The following FSTL4 variants were observed in gnomAD, a reference collection of about 807,000 sequenced individuals.
The protein encoded by FSTL4 is follistatin like 4.
In FSTL4, 28 loss-of-function variants were observed where a neutral mutation model predicts 78.2. The ratio of observed to expected loss-of-function variants is 0.36; its 90% confidence interval spans 0.27 to 0.49. The LOEUF is 0.49. FSTL4 is among the 20% of genes least tolerant of loss of function. The pLI, the probability that FSTL4 is intolerant of heterozygous loss-of-function variation, is 0.98. For synonymous variants in FSTL4, 422 were observed against 440.5 expected, an observed-to-expected ratio of 0.96 and a Z score of 0.53; for missense variants, 922 against 1,084.9, an observed-to-expected ratio of 0.85 and a Z score of 2.11.
At chr5:133,310,279 C>T (rs552458345) in intron 6 of FSTL4, among the ~76,000 whole-genome samples, 4 of 152,122 alleles carry the variant, frequency 2.6e-5, no homozygotes, top group Non-Finnish European at 4.4e-5. Context: ...AAGTCCAAGG[C>T]GACAGCAGAA....
chr5:133,360,063 C>G (rs1755035513), intron 4 of FSTL4, among the ~76,000 whole-genome samples: 1 of 152,220 alleles, frequency 6.6e-6, no homozygotes, highest in Non-Finnish European at 1.5e-5. Flanking sequence ...AATCAAACAG[C>G]CCTAACAGTG....
chr5:133,737,942 TG>T, the FSTL4 span, among the ~76,000 whole-genome samples: 10 of 152,118 alleles, frequency 6.6e-5, no homozygotes, highest in Non-Finnish European at 1.0e-4. Context: ...GTAATGAACA[TG>T]GGGATTTTAC....
intron 2 of FSTL4, among the ~76,000 whole-genome samples, chr5:133,581,302 A>T (rs914338264): frequency 2.0e-5 from 3 of 152,202 alleles, no homozygotes; most frequent in Non-Finnish European, 4.4e-5. Context: ...GAGAATCCCA[A>T]GGAAAATCCA....
Position 133,199,078 on chromosome 5 carries a change from GCTCTGCTCTGGGCC to G in FSTL4, c.*3_*16del. Reference sequence around the variant, plus strand: ...ACTAGGGGGTGTTCCTTGGCCCAGGGCTCTGCTCTGGGCCCTTCATACCTCACCCACCCACACCA... The same window carrying G: ...ACTAGGGGGTGTTCCTTGGCCCAGGGCTTCATACCTCACCCACCCACACCA... On this transcript the variant is annotated 3_prime_UTR_variant, in exon 16 of 16. Coordinates refer to ENST00000265342, the MANE Select transcript of FSTL4 (RefSeq NM_015082.2). The surrounding 1 kb of genome is among the most constrained non-coding windows in gnomAD (Gnocchi z 4.4). 1 of 1,458,098 alleles carries G rather than the reference GCTCTGCTCTGGGCC, an allele frequency of 6.9e-7. No individual in the cohort carries two copies. The highest frequency in any genetic ancestry group is 9.3e-7 in the Non-Finnish European group (1 of 1,080,468). The allele number at this position is 1,458,098 out of a possible 1,614,324, so 90.3% of individuals were successfully genotyped here.
chr5:133,813,772 G>A, the FSTL4 span, among the ~76,000 whole-genome samples: 3 of 152,176 alleles, frequency 2.0e-5, no homozygotes, highest in African/African-American at 7.2e-5. Flanking sequence ...CATCCCCATG[G>A]CATTGCTACC....
At chr5:133,527,490 CACACACACA>C (rs1561457469) in intron 3 of FSTL4, among the ~76,000 whole-genome samples, 2 of 151,804 alleles carry the variant, frequency 1.3e-5, no homozygotes, top group Non-Finnish European at 2.9e-5. Context: ...CACACACACA[CACACACACA>C]CACCCATAAG....
intron 3 of FSTL4, among the ~76,000 whole-genome samples, chr5:133,530,707 G>C (rs1190592640): frequency 1.3e-5 from 2 of 152,194 alleles, no homozygotes; most frequent in Non-Finnish European, 2.9e-5. Flanking sequence ...TATGGCCAGG[G>C]ACCCTGCCCC....
intron 4 of FSTL4, among the ~76,000 whole-genome samples, chr5:133,319,343 C>A: frequency 6.6e-6 from 1 of 152,238 alleles, no homozygotes; most frequent in Non-Finnish European, 1.5e-5. Flanking sequence ...CACTCCCATC[C>A]TTTTACCAGT....
intron 2 of FSTL4, among the ~76,000 whole-genome samples, chr5:133,576,233 C>A (rs1403769203): frequency 6.6e-6 from 1 of 152,174 alleles, no homozygotes; most frequent in Non-Finnish European, 1.5e-5. Context: ...CCCCTAGGTC[C>A]ATCCCATGTC....
chr5:133,820,043 T>C, the FSTL4 span, among the ~76,000 whole-genome samples: 2 of 152,208 alleles, frequency 1.3e-5, no homozygotes, highest in Non-Finnish European at 2.9e-5. Context: ...TTGGGTCTTC[T>C]TGCTCCAAAT....
intron 4 of FSTL4, among the ~76,000 whole-genome samples, chr5:133,352,499 T>A (rs934707983): frequency 1.3e-5 from 2 of 151,858 alleles, no homozygotes; most frequent in Non-Finnish European, 2.9e-5. Flanking sequence ...AACCTCAACC[T>A]CCTGGGCTCA....
chr5:133,379,792 A>G (rs1446724021), intron 4 of FSTL4, among the ~76,000 whole-genome samples: 1 of 152,226 alleles, frequency 6.6e-6, no homozygotes, highest in Non-Finnish European at 1.5e-5. Context: ...TAAAAAAGAA[A>G]CAGGCCAGGC....
chr5:133,221,966 A>C (rs1751149930), intron 11 of FSTL4, among the ~76,000 whole-genome samples: 1 of 116,112 alleles, frequency 8.6e-6, no homozygotes, highest in African/African-American at 3.3e-5. Context: ...TTAATGGACT[A>C]TCTGGGCAAG....
the FSTL4 span, among the ~76,000 whole-genome samples, chr5:133,676,300 C>T: frequency 6.6e-6 from 1 of 152,186 alleles, no homozygotes; most frequent in Non-Finnish European, 1.5e-5. Flanking sequence ...CTAACACTGC[C>T]TCTGGGATTT....
At position 133,234,684 on chromosome 5, in the gene FSTL4, G is replaced by A. The variant is rs187684183; in HGVS notation, c.895-1147C>T. Among the ~76,000 whole-genome samples the A allele has an allele frequency of 9.5e-4, 145 of 152,308 alleles. 3 individuals are homozygous for A. The highest frequency in any genetic ancestry group is 8.1e-3 in the Admixed American group (124 of 15,300). ...GCAAGGGGGTTGTGCACTGTCATCT[G>A]TGGGGAGTGATGGGAACTCAGGACA... On this transcript the variant is annotated intron_variant, in intron 7 of 15. Transcript: ENST00000265342.
chr5:133,817,052 A>G, the FSTL4 span, among the ~76,000 whole-genome samples: 2 of 152,228 alleles, frequency 1.3e-5, no homozygotes, highest in East Asian at 1.9e-4. Context: ...GGCATCCCCA[A>G]CACTCCTGGG....
intron 6 of FSTL4, among the ~76,000 whole-genome samples, chr5:133,260,272 T>C (rs1301727920): frequency 1.3e-5 from 2 of 152,012 alleles, no homozygotes; most frequent in Admixed American, 1.3e-4. Context: ...GGACTGTGCT[T>C]CACATGCAGG....
intron 13 of FSTL4, among the ~76,000 whole-genome samples, 168 bp downstream of exon 13, chr5:133,217,061 C>A (rs1038076930): frequency 2.0e-5 from 3 of 152,192 alleles, no homozygotes. Context: ...TGGCTGTTTC[C>A]CTACATAGTA....
the FSTL4 span, among the ~76,000 whole-genome samples, chr5:133,784,258 C>A: frequency 6.6e-6 from 1 of 152,040 alleles, no homozygotes; most frequent in Admixed American, 6.5e-5. Flanking sequence ...GAAATTCACT[C>A]GGCATTTGAA....
Sources: gnomAD v4.1 joint callset for allele counts (sites outside exome capture counted in the v4.1 genomes callset) on GRCh38, gnomAD v4.1.1 for gene constraint, Gnocchi (gnomAD v3.1) non-coding constraint, MANE v1.5 for transcripts, NCBI Gene and HGNC (gene_info 2026-07-23, HGNC 2026-07-21) for gene names.